Variants in PIK3C2G observed in about 807,000 individuals in gnomAD.
PIK3C2G encodes phosphatidylinositol 3-kinase C2 domain-containing subunit gamma.
Under a neutral mutation model 181.1 loss-of-function variants are expected in PIK3C2G, and 168 were observed. The ratio of observed to expected loss-of-function variants is 0.93; its 90% confidence interval spans 0.82 to 1.05. The LOEUF (loss-of-function observed/expected upper bound fraction) is 1.05, where lower values mean the gene tolerates loss of function less well. Among genes scored for constraint, PIK3C2G ranks in the 50% least tolerant of loss-of-function variants. The pLI is 0.00. For missense variants in PIK3C2G, 1,869 were observed against 1,732.8 expected (o/e 1.08, Z -1.40); for synonymous variants, 573 against 592.2 (o/e 0.97, Z 0.47).
chr12:18,290,121 C>T (rs540778356), intron 3 of PIK3C2G, among the ~76,000 whole-genome samples: 1 of 152,108 alleles, frequency 6.6e-6, no homozygotes, highest in Non-Finnish European at 1.5e-5. Flanking sequence ...TAATATCCAC[C>T]TCAGTAAACC....
intron 31 of PIK3C2G, among the ~76,000 whole-genome samples, chr12:18,611,844 T>C (rs1403898871): frequency 6.6e-6 from 1 of 152,124 alleles, no homozygotes; most frequent in East Asian, 1.9e-4. Flanking sequence ...TTGGTTGAAG[T>C]CACCAGCATC....
At chr12:18,324,664 T>C (rs1951254864) in intron 7 of PIK3C2G, among the ~76,000 whole-genome samples, 1 of 152,206 alleles carries the variant, frequency 6.6e-6, no homozygotes, top group East Asian at 1.9e-4. Flanking sequence ...TGCAATTCTC[T>C]ACAAGATATG....
At chr12:18,321,568 G>A (rs16914114) in intron 7 of PIK3C2G, among the ~76,000 whole-genome samples, 30,155 of 152,118 alleles carry the variant, frequency 0.2, 4,491 homozygotes, top group African/African-American at 0.41. Flanking sequence ...GAGTTTGGGT[G>A]TATCTGCAGT....
At chr12:18,610,046 A>G (rs1243084368) in intron 31 of PIK3C2G, among the ~76,000 whole-genome samples, 1 of 152,018 alleles carries the variant, frequency 6.6e-6, no homozygotes, top group Non-Finnish European at 1.5e-5. Context: ...CAAAATCTGT[A>G]GTTAGCCTCC....
chr12:18,637,948 A>C (rs1475091531), intron 31 of PIK3C2G, among the ~76,000 whole-genome samples: 1 of 152,250 alleles, frequency 6.6e-6, no homozygotes, highest in African/African-American at 2.4e-5. Context: ...TTAAATGAAG[A>C]ATCTCTGCTT....
chr12:18,619,810 C>T (rs567207851), intron 31 of PIK3C2G, among the ~76,000 whole-genome samples: 7 of 151,482 alleles, frequency 4.6e-5, no homozygotes, highest in Non-Finnish European at 7.4e-5. Context: ...CTGCAAGCTC[C>T]GCCTCCCGGG....
chr12:18,246,322 G>C (rs1948039446), upstream of PIK3C2G, among the ~76,000 whole-genome samples: 1 of 151,996 alleles, frequency 6.6e-6, no homozygotes, highest in Non-Finnish European at 1.5e-5. Context: ...TTAGAAAGCT[G>C]ATATTTTCAG....
chr12:18,603,323 A>C (rs577914834), intron 30 of PIK3C2G, among the ~76,000 whole-genome samples: 1 of 152,250 alleles, frequency 6.6e-6, no homozygotes, highest in African/African-American at 2.4e-5. Flanking sequence ...ACAAAGACAA[A>C]GAAAAAAGAA....
At chr12:18,460,649 G>A in intron 18 of PIK3C2G, among the ~76,000 whole-genome samples, 1 of 115,094 alleles carries the variant, frequency 8.7e-6, no homozygotes, top group African/African-American at 4.0e-5. Flanking sequence ...TATATATATA[G>A]CACTTAGCAC....
In PIK3C2G at chr12:18,293,908, T is replaced by C. The variant is rs1333651402; in HGVS notation, c.927T>C (p.Tyr309=). The C allele has an allele frequency of 1.4e-6, 2 of 1,479,870 alleles. No individual in the cohort carries two copies. Among genetic ancestry groups the C allele is most frequent in the Non-Finnish European group, 1.9e-6 (2 of 1,058,082 alleles). The allele number at this position is 1,479,870 out of a possible 1,614,324, so 91.7% of individuals were successfully genotyped here. A position where few individuals can be genotyped will look rare whatever the true frequency, so the allele number is the denominator to read the frequency against. ...QPLHFMPCAN[Y]LVKDLIAEIL... The stretch of plus-strand genomic sequence containing the variant: ...ATTCCTCTTTTTCTTTAGCTAATTA[T>C]CTTGTCAAAGATCTAATTGCAGAAA... Residue 309 remains tyrosine, a synonymous_variant, in exon 5 of 33, where the codon TAT becomes TAC. Transcript: ENST00000538779.
rs1940275886 is a variant in PIK3C2G at position 18,488,617 on chromosome 12, C to T, written c.2673C>T (p.Asp891=). 2 of 1,512,576 alleles carry T rather than the reference C, an allele frequency of 1.3e-6. No individual in the cohort carries two copies. Among genetic ancestry groups the T allele is most frequent in the Non-Finnish European group, 8.9e-7 (1 of 1,128,870 alleles). 93.7% of individuals were successfully genotyped at this position (1,512,576 alleles called of 1,614,324 possible). A position where few individuals can be genotyped will look rare whatever the true frequency, so the allele number is the denominator to read the frequency against. ...GGGAAAGAGTCAAGTCTGCCAGTGA[C>T]CATCAAAGACAGGTTTGTTGAAATA... ...DIGERVKSAS[D]HQRQEVLKKE... The change falls in exon 19 of 33, where the codon GAC becomes GAT. Residue 891 remains aspartate (D), a synonymous_variant. Transcript: ENST00000538779.
intron 11 of PIK3C2G, chr12:18,358,667 C>G: frequency 2.0e-6 from 1 of 499,424 alleles, no homozygotes; most frequent in Non-Finnish European, 4.0e-6. Context: ...TCAAAATCAT[C>G]CTGTCCCACA....
intron 24 of PIK3C2G, 129 bp from the exon 25 acceptor site, chr12:18,538,027 G>C (rs1189945260): frequency 1.3e-6 from 1 of 780,222 alleles, no homozygotes; most frequent in Non-Finnish European, 2.0e-6. Flanking sequence ...CACAATGAAG[G>C]AAATTTATCT....
intron 30 of PIK3C2G, among the ~76,000 whole-genome samples, chr12:18,594,895 A>T (rs950346337): frequency 6.6e-6 from 1 of 152,002 alleles, no homozygotes; most frequent in African/African-American, 2.4e-5. Flanking sequence ...TTTTGATTAT[A>T]ATATTATTTC....
the PIK3C2G span, among the ~76,000 whole-genome samples, chr12:18,660,873 A>T: frequency 1.3e-5 from 2 of 152,176 alleles, no homozygotes; most frequent in African/African-American, 4.8e-5. Flanking sequence ...AGAGTTTAAA[A>T]CAATTGATAG....
intron 5 of PIK3C2G, among the ~76,000 whole-genome samples, chr12:18,305,201 A>T (rs1950368228): frequency 6.6e-6 from 1 of 152,188 alleles, no homozygotes; most frequent in Non-Finnish European, 1.5e-5. Flanking sequence ...TGCTAGAACA[A>T]ATGTCCTCAT....
At chr12:18,537,091 A>T (rs929277194) in intron 24 of PIK3C2G, among the ~76,000 whole-genome samples, 4 of 152,094 alleles carry the variant, frequency 2.6e-5, no homozygotes, top group Non-Finnish European at 4.4e-5. Context: ...CCACAAATTG[A>T]CGAAGTTGTA....
intron 12 of PIK3C2G, among the ~76,000 whole-genome samples, chr12:18,367,941 C>G (rs1249829547): frequency 1.3e-5 from 2 of 152,066 alleles, no homozygotes; most frequent in Admixed American, 1.3e-4. Flanking sequence ...AAAATCATGG[C>G]AGAAGGGATA....
chr12:18,431,263 T>C (rs769917226), intron 18 of PIK3C2G, among the ~76,000 whole-genome samples: 5 of 152,152 alleles, frequency 3.3e-5, no homozygotes, highest in Non-Finnish European at 5.9e-5. Context: ...GTGACAAACA[T>C]AGAGATGATG....
Sources: allele counts gnomAD v4.1 joint callset (sites outside exome capture counted in the v4.1 genomes callset), GRCh38; gene constraint gnomAD v4.1.1; transcripts MANE v1.5; gene names NCBI Gene and HGNC (gene_info 2026-07-23, HGNC 2026-07-21).